WDFY4: variants seen among roughly 807,000 people sequenced by gnomAD.
WDFY4 encodes the protein WDFY family member 4, also known as WD repeat- and FYVE domain-containing protein 4.
WDFY4 carries 169 observed loss-of-function variants against 351.9 expected under a neutral mutation model. The ratio of observed to expected loss-of-function variants is 0.48; its 90% CI spans 0.42 to 0.55. The LOEUF is 0.55. Ranked by LOEUF, WDFY4 falls within the 20% of genes least tolerant of loss-of-function variation. The pLI is 0.00. For missense variants in WDFY4, 3,803 were observed against 3,935.6 expected (o/e 0.97, Z 0.90); for synonymous variants, 1,622 against 1,574.6 (o/e 1.03, Z -0.71).
intron 28 of WDFY4, among the ~76,000 whole-genome samples, chr10:48,808,165 T>C (rs1289686809): frequency 2.0e-5 from 3 of 152,214 alleles, no homozygotes; most frequent in Non-Finnish European, 4.4e-5. Flanking sequence ...TAAGTGGACA[T>C]GAGTAACTAG....
At chr10:48,719,935 G>A (rs1400551252) in intron 2 of WDFY4, 76 bp from the exon 3 acceptor site, 6 of 1,349,384 alleles carry the variant, frequency 4.4e-6, no homozygotes, top group Non-Finnish European at 6.2e-6. Context: ...GGCTGGTGAA[G>A]GGTGGCATGG....
intron 1 of WDFY4, among the ~76,000 whole-genome samples, chr10:48,698,341 G>A (rs934520960): frequency 2.0e-5 from 3 of 152,214 alleles, no homozygotes; most frequent in Non-Finnish European, 2.9e-5. Flanking sequence ...GCGTGCCAGG[G>A]CTTGAAGCTT....
intron 56 of WDFY4, 35 bp downstream of exon 56, chr10:48,969,283 G>A (rs1307778548): frequency 1.3e-6 from 2 of 1,545,646 alleles, no homozygotes; most frequent in South Asian, 1.2e-5. Flanking sequence ...GCAGCCTCAG[G>A]ACCTCAGCCT....
intron 26 of WDFY4, among the ~76,000 whole-genome samples, 157 bp from the exon 27 acceptor site, chr10:48,805,847 T>C (rs548255701): frequency 6.6e-6 from 1 of 152,344 alleles, no homozygotes; most frequent in Non-Finnish European, 1.5e-5. Flanking sequence ...TGACTGATTT[T>C]AGAAGTCTCT....
Position 48,778,272 on chromosome 10 carries a change from C to G in WDFY4, c.3176-339C>G, listed in dbSNP as rs138639382. Among the ~76,000 whole-genome samples, 451 of 152,346 alleles carry G rather than the reference C, an allele frequency of 3.0e-3. 5 individuals are homozygous for G. Among genetic ancestry groups the G allele is most frequent in the South Asian group, 4.3e-3 (21 of 4,832 alleles). On this transcript the variant is annotated intron_variant, in intron 17 of 61. Coordinates refer to ENST00000325239, the MANE Select transcript of WDFY4 (RefSeq NM_001394531.1). ...CAATGGACCTGTCTATATCGCCAAC[C>G]CTGTTATGTGATGGGAGGGCACATG...
At chr10:48,712,562 C>T (rs993792461) in intron 2 of WDFY4, among the ~76,000 whole-genome samples, 8 of 152,198 alleles carry the variant, frequency 5.3e-5, no homozygotes, top group South Asian at 2.1e-4. Context: ...TACATTCTGA[C>T]GGACTAATAA....
chr10:48,943,843 C>T (rs746864590), intron 49 of WDFY4, among the ~76,000 whole-genome samples: 4 of 152,206 alleles, frequency 2.6e-5, no homozygotes, highest in Non-Finnish European at 5.9e-5. Context: ...GATTCTCCCG[C>T]CTCGGCCTCC....
At chr10:48,850,986 G>A (rs1993985) in intron 39 of WDFY4, among the ~76,000 whole-genome samples, 65,067 of 152,114 alleles carry the variant, frequency 0.43, 15,114 homozygotes, top group East Asian at 0.71. Context: ...TTTAATTCTT[G>A]TTCTTGTAAG....
At chr10:48,865,249 C>T (rs2069502858) in intron 39 of WDFY4, among the ~76,000 whole-genome samples, 1 of 152,064 alleles carries the variant, frequency 6.6e-6, no homozygotes, top group Non-Finnish European at 1.5e-5. Context: ...TTTTCCCCAC[C>T]CAGTTGGTTG....
chr10:48,903,829 T>A (rs1455383226), intron 47 of WDFY4, among the ~76,000 whole-genome samples: 1 of 152,140 alleles, frequency 6.6e-6, no homozygotes, highest in Non-Finnish European at 1.5e-5. Context: ...TTTAAAGTGA[T>A]GAGAATGGGC....
intron 38 of WDFY4, among the ~76,000 whole-genome samples, chr10:48,831,460 C>T (rs1396593598): frequency 6.6e-6 from 1 of 152,216 alleles, no homozygotes; most frequent in Non-Finnish European, 1.5e-5. Flanking sequence ...TCTCAACTTA[C>T]ACCTCCTATA....
At chr10:48,768,009 C>A (rs192024000) in intron 13 of WDFY4, among the ~76,000 whole-genome samples, 1 of 152,102 alleles carries the variant, frequency 6.6e-6, no homozygotes, top group African/African-American at 2.4e-5. Flanking sequence ...ATGCTGGGGA[C>A]CACACTGGGG....
rs549121303 is a variant in WDFY4, at chr10:48,687,023, G to A, written c.-18+2022G>A. On this transcript the variant is annotated intron_variant, in intron 1 of 61. Coordinates refer to ENST00000325239, the MANE Select transcript of WDFY4 (RefSeq NM_001394531.1). ...TTTCTGTTGCTCCACTTCTTCATCA[G>A]CATTTGATATTGTCTGGTACTGTAT... 2.0e-5 allele frequency among the ~76,000 whole-genome samples: 3 copies of A among 152,198 alleles called. No homozygotes were observed. In the South Asian group the frequency reaches 6.2e-4, roughly 32 times the overall value.
At chr10:48,763,174 T>C (rs548699023) in intron 13 of WDFY4, among the ~76,000 whole-genome samples, 22 of 152,222 alleles carry the variant, frequency 1.4e-4, no homozygotes, top group Non-Finnish European at 2.5e-4. Context: ...CCAGGAATGC[T>C]ATTTCTCCAA....
intron 55 of WDFY4, 103 bp from the exon 56 acceptor site, chr10:48,968,961 A>T: frequency 8.2e-7 from 1 of 1,217,488 alleles, no homozygotes; most frequent in Non-Finnish European, 1.1e-6. Context: ...TTCCATGCTT[A>T]AGTTCAAGTC....
At chr10:48,950,278 TA>T in intron 51 of WDFY4, among the ~76,000 whole-genome samples, 1 of 152,324 alleles carries the variant, frequency 6.6e-6, no homozygotes, top group East Asian at 1.9e-4. Context: ...AAGCCTCTTA[TA>T]AGTGGAATTA....
chr10:48,859,319 ATTAT>A (rs141839421), intron 39 of WDFY4, among the ~76,000 whole-genome samples: 1,623 of 152,290 alleles, frequency 0.011, 27 homozygotes, highest in African/African-American at 0.037. Flanking sequence ...GAAAGTATTC[ATTAT>A]TTATCACTAA....
At chr10:48,743,671 G>A in intron 12 of WDFY4, 123 bp downstream of exon 12, 2 of 1,148,750 alleles carry the variant, frequency 1.7e-6, no homozygotes, top group Non-Finnish European at 2.4e-6. Flanking sequence ...AATGTCATGT[G>A]ACCTCAACTT....
intron 47 of WDFY4, among the ~76,000 whole-genome samples, chr10:48,903,615 T>C (rs1170444056): frequency 1.3e-5 from 2 of 152,170 alleles, no homozygotes; most frequent in Non-Finnish European, 2.9e-5. Context: ...AGACAGAGGA[T>C]TTAGGCTTCA....
Sources: gnomAD v4.1 joint callset for allele counts (sites outside exome capture counted in the v4.1 genomes callset) on GRCh38, gnomAD v4.1.1 for gene constraint, MANE v1.5 for transcripts, NCBI Gene and HGNC (gene_info 2026-07-23, HGNC 2026-07-21) for gene names.